Variants in GRID2 observed in about 807,000 individuals in gnomAD.
The protein encoded by GRID2 is glutamate ionotropic receptor delta type subunit 2.
In GRID2, 33 loss-of-function variants were observed where a neutral mutation model predicts 114.8. The observed-to-expected ratio is 0.29, with a 90% CI of 0.22 to 0.38. The LOEUF (loss-of-function observed/expected upper bound fraction) is 0.38, where lower values mean the gene tolerates loss of function less well. Ranked by LOEUF, GRID2 falls within the 10% of genes least tolerant of loss-of-function variation. The pLI is 1.00. For synonymous variants in GRID2, 505 were observed against 449.9 expected (o/e 1.12, Z -1.55); for missense variants, 1,184 against 1,257.7 (o/e 0.94, Z 0.89).
At chr4:92,468,905 C>G (rs945796616) in intron 1 of GRID2, among the ~76,000 whole-genome samples, 3 of 152,024 alleles carry the variant, frequency 2.0e-5, no homozygotes, top group East Asian at 3.9e-4. Context: ...GATGGAGGCC[C>G]GAAGAGAGGT....
chr4:93,608,267 T>C (rs912616261), intron 13 of GRID2, among the ~76,000 whole-genome samples: 10 of 149,384 alleles, frequency 6.7e-5, no homozygotes, highest in Non-Finnish European at 1.0e-4. Flanking sequence ...TTTTAAACTA[T>C]TTAGTCCAAC....
chr4:92,836,696 G>A (rs1182875070), intron 2 of GRID2, among the ~76,000 whole-genome samples: 1 of 152,010 alleles, frequency 6.6e-6, no homozygotes, highest in African/African-American at 2.4e-5. Flanking sequence ...GTAGAAAGAC[G>A]GCCCTAGCCT....
chr4:92,941,795 C>T (rs968003380), intron 2 of GRID2, among the ~76,000 whole-genome samples: 2 of 152,148 alleles, frequency 1.3e-5, no homozygotes, highest in African/African-American at 2.4e-5. Flanking sequence ...TTTCAAAGAA[C>T]ATCTTTATTT....
At chr4:93,318,113 A>G (rs538519825) in intron 8 of GRID2, among the ~76,000 whole-genome samples, 1 of 150,204 alleles carries the variant, frequency 6.7e-6, no homozygotes, top group African/African-American at 2.4e-5. Flanking sequence ...ATAATTTTAC[A>G]TGATTTCATA....
downstream of GRID2, among the ~76,000 whole-genome samples, chr4:93,779,085 A>G (rs763872172): frequency 1.1e-4 from 17 of 152,078 alleles, no homozygotes; most frequent in Non-Finnish European, 2.4e-4. Flanking sequence ...ACAGCCTCCA[A>G]AGTTTTTGAT....
At chr4:93,041,445 A>C (rs1725506138) in intron 2 of GRID2, among the ~76,000 whole-genome samples, 1 of 152,124 alleles carries the variant, frequency 6.6e-6, no homozygotes, top group South Asian at 2.1e-4. Context: ...CACTGGTTTC[A>C]AGGAGTCTTA....
At chr4:92,896,517 G>A in intron 2 of GRID2, among the ~76,000 whole-genome samples, 1 of 151,146 alleles carries the variant, frequency 6.6e-6, no homozygotes, top group South Asian at 2.1e-4. Flanking sequence ...TCTTTATTAT[G>A]AGATCTTCAG....
At chr4:93,681,884 T>A (rs1228705713) in intron 14 of GRID2, among the ~76,000 whole-genome samples, 8 of 151,548 alleles carry the variant, frequency 5.3e-5, no homozygotes, top group Admixed American at 5.3e-4. Context: ...GGACTTCATG[T>A]CTAAAACACC....
intron 2 of GRID2, among the ~76,000 whole-genome samples, chr4:93,025,006 C>T (rs1416426578): frequency 2.6e-5 from 4 of 151,542 alleles, no homozygotes; most frequent in Non-Finnish European, 4.4e-5. Flanking sequence ...TATTAGAGTA[C>T]ATTGCTTAAT....
chr4:93,238,255 C>T, intron 7 of GRID2, 116 bp from the exon 8 acceptor site: 2 of 653,822 alleles, frequency 3.1e-6, no homozygotes, highest in Non-Finnish European at 2.5e-6. Context: ...TTAAAAATTG[C>T]TTACTTTAAA....
At chr4:92,648,499 G>A (rs1486718967) in intron 2 of GRID2, among the ~76,000 whole-genome samples, 4 of 149,692 alleles carry the variant, frequency 2.7e-5, no homozygotes, top group African/African-American at 1.0e-4. Flanking sequence ...CACTTAGCAT[G>A]TATCGAGCAT....
intron 2 of GRID2, among the ~76,000 whole-genome samples, chr4:92,789,966 T>C (rs1739500402): frequency 6.6e-6 from 1 of 151,858 alleles, no homozygotes; most frequent in Non-Finnish European, 1.5e-5. Context: ...ATTACAGAGT[T>C]CCTGTTCAGT....
chr4:93,104,961 C>T (rs1177235657), intron 3 of GRID2, among the ~76,000 whole-genome samples: 1 of 151,878 alleles, frequency 6.6e-6, no homozygotes, highest in African/African-American at 2.4e-5. Flanking sequence ...ACATCCTCTC[C>T]AGCACCTGTT....
intron 2 of GRID2, among the ~76,000 whole-genome samples, chr4:93,064,494 G>T (rs1255027627): frequency 6.6e-6 from 1 of 151,800 alleles, no homozygotes; most frequent in African/African-American, 2.4e-5. Flanking sequence ...AGTGTGGATT[G>T]TTTCTCTCTC....
intron 14 of GRID2, among the ~76,000 whole-genome samples, chr4:93,737,101 G>A (rs905680249): frequency 8.6e-5 from 13 of 152,042 alleles, no homozygotes; most frequent in African/African-American, 3.1e-4. Context: ...AACTAATAAT[G>A]TAGTTTCTTG....
intron 2 of GRID2, among the ~76,000 whole-genome samples, chr4:92,918,802 C>T (rs568346921): frequency 1.3e-3 from 197 of 152,204 alleles, no homozygotes; most frequent in Middle Eastern, 3.4e-3. Flanking sequence ...GGATATTGGT[C>T]TAAAATTCTC....
intron 2 of GRID2, among the ~76,000 whole-genome samples, chr4:92,602,036 A>G (rs1235812314): frequency 6.6e-6 from 1 of 152,034 alleles, no homozygotes; most frequent in Non-Finnish European, 1.5e-5. Context: ...TCTCAAGGAA[A>G]AAAACCCCAG....
chr4:93,686,611 A>G (rs765100684), intron 14 of GRID2, among the ~76,000 whole-genome samples: 1 of 152,008 alleles, frequency 6.6e-6, no homozygotes, highest in Non-Finnish European at 1.5e-5. Flanking sequence ...TTGGGGTGGG[A>G]TGTTTGCAAT....
chr4:92,708,171 A>C (rs1735046000), intron 2 of GRID2, among the ~76,000 whole-genome samples: 1 of 152,190 alleles, frequency 6.6e-6, no homozygotes, highest in African/African-American at 2.4e-5. Context: ...CCACAGTTTA[A>C]GCGAAGGGAA....
Sources: allele counts gnomAD v4.1 joint callset (sites outside exome capture counted in the v4.1 genomes callset), GRCh38; gene constraint gnomAD v4.1.1; transcripts MANE v1.5; gene names NCBI Gene and HGNC (gene_info 2026-07-23, HGNC 2026-07-21).